Variants in CCDC85A observed in about 807,000 individuals in gnomAD.
CCDC85A encodes the protein coiled-coil domain containing 85A.
In CCDC85A, 38 loss-of-function variants were observed where a neutral mutation model predicts 50.2. The ratio of observed to expected loss-of-function variants is 0.76; its 90% CI spans 0.58 to 0.99. The LOEUF is 0.99. Ranked by LOEUF, CCDC85A falls within the 50% of genes least tolerant of loss-of-function variation. The probability of loss-of-function intolerance (pLI) is 0.00; values close to 1 mark genes in which losing one functional copy is unlikely to be tolerated. For missense variants in CCDC85A, 820 were observed against 742.0 expected, an observed-to-expected ratio of 1.11 and a Z score of -1.22; for synonymous variants, 366 against 301.4, an observed-to-expected ratio of 1.21 and a Z score of -2.22.
At chr2:56,360,163 A>T (rs574577051) in intron 3 of CCDC85A, among the ~76,000 whole-genome samples, 1 of 152,322 alleles carries the variant, frequency 6.6e-6, no homozygotes, top group East Asian at 1.9e-4. Context: ...AACTTTTTTT[A>T]AAAAAGATTA....
At chr2:56,277,751 G>T (rs75159967) in intron 2 of CCDC85A, among the ~76,000 whole-genome samples, 1 of 152,202 alleles carries the variant, frequency 6.6e-6, no homozygotes, top group Non-Finnish European at 1.5e-5. Context: ...GCCCTTAGGC[G>T]CAGAGTCTCC....
At chr2:56,249,033 C>T (rs771295203) in intron 2 of CCDC85A, among the ~76,000 whole-genome samples, 2 of 152,160 alleles carry the variant, frequency 1.3e-5, no homozygotes, top group Non-Finnish European at 2.9e-5. Context: ...GAATGCAGCC[C>T]AAGATGACAA....
chr2:56,225,461 A>G (rs2103919777), intron 2 of CCDC85A, among the ~76,000 whole-genome samples: 1 of 152,112 alleles, frequency 6.6e-6, no homozygotes, highest in Non-Finnish European at 1.5e-5. Context: ...GTCGGGGTTT[A>G]TTTCTGACTC....
At chr2:56,307,571 A>G (rs1188692975) in intron 2 of CCDC85A, among the ~76,000 whole-genome samples, 1 of 152,204 alleles carries the variant, frequency 6.6e-6, no homozygotes, top group Non-Finnish European at 1.5e-5. Flanking sequence ...TAATTAGCAT[A>G]TCATTAATTG....
intron 2 of CCDC85A, among the ~76,000 whole-genome samples, chr2:56,243,979 G>A (rs1390199646): frequency 6.6e-6 from 1 of 152,122 alleles, no homozygotes; most frequent in Non-Finnish European, 1.5e-5. Flanking sequence ...GCCTTACTTT[G>A]TCTCCAACAA....
At chr2:56,234,749 C>G (rs1668931127) in intron 2 of CCDC85A, among the ~76,000 whole-genome samples, 1 of 152,066 alleles carries the variant, frequency 6.6e-6, no homozygotes, top group Non-Finnish European at 1.5e-5. Flanking sequence ...GTCCTTACTC[C>G]TTGATTATGT....
chr2:56,232,236 A>T (rs1162014088), intron 2 of CCDC85A, among the ~76,000 whole-genome samples: 1 of 152,146 alleles, frequency 6.6e-6, no homozygotes, highest in Non-Finnish European at 1.5e-5. Flanking sequence ...CCTAATTGGC[A>T]TCTGAAATGT....
At chr2:56,218,249 C>G (rs1668171303) in intron 2 of CCDC85A, among the ~76,000 whole-genome samples, 1 of 151,790 alleles carries the variant, frequency 6.6e-6, no homozygotes, top group South Asian at 2.1e-4. Context: ...AAACTGGACA[C>G]TGTAATCTCC....
chr2:56,218,089 A>G (rs1457709103), intron 2 of CCDC85A, among the ~76,000 whole-genome samples: 1 of 151,884 alleles, frequency 6.6e-6, no homozygotes, highest in Admixed American at 6.6e-5. Context: ...AAACAAAAAC[A>G]ACAGGAAATA....
chr2:56,333,855 A>G (rs1305616199), intron 2 of CCDC85A, among the ~76,000 whole-genome samples: 1 of 152,212 alleles, frequency 6.6e-6, no homozygotes, highest in Non-Finnish European at 1.5e-5. Context: ...CAAAAAGAGC[A>G]CAAGGCTTTA....
chr2:56,353,496 T>C (rs924986974), intron 3 of CCDC85A, among the ~76,000 whole-genome samples: 4 of 152,262 alleles, frequency 2.6e-5, no homozygotes, highest in African/African-American at 9.6e-5. Flanking sequence ...AGACCAGGTG[T>C]AAATAAAAGC....
chr2:56,184,379 C>A lies in CCDC85A; in HGVS notation c.-246C>A. On this transcript the variant is annotated 5_prime_UTR_variant, in exon 1 of 6. Transcript: ENST00000407595. Reference sequence around the variant, plus strand: ...ACCATGGACTTGCGCGGAGTTGGGACGGGCCTCGGCAGCAGCAAGCGGCTG... The same window carrying A: ...ACCATGGACTTGCGCGGAGTTGGGAAGGGCCTCGGCAGCAGCAAGCGGCTG... The A allele has an allele frequency of 2.1e-6, 1 of 486,860 alleles. No individual in the cohort carries two copies. Among genetic ancestry groups the A allele is most frequent in the Non-Finnish European group, 3.0e-6 (1 of 329,300 alleles). The allele number at this position is 486,860 out of a possible 1,614,324, so 30.2% of individuals were successfully genotyped here.
intron 4 of CCDC85A, among the ~76,000 whole-genome samples, chr2:56,374,747 T>C (rs994349072): frequency 1.3e-5 from 2 of 152,232 alleles, no homozygotes; most frequent in Non-Finnish European, 2.9e-5. Context: ...AGTTGAAGGC[T>C]GCAGTGAACA....
At position 56,184,527 on chromosome 2, in the gene CCDC85A, C is replaced by G; in HGVS notation, c.-98C>G. ...GGGCGGTGCCGCTGACTCGCCGGAGCGCACAGGGGTGTGGGCGGAGGCGGC... is the reference window on the plus strand; with the variant it reads ...GGGCGGTGCCGCTGACTCGCCGGAGGGCACAGGGGTGTGGGCGGAGGCGGC... On this transcript the variant is annotated 5_prime_UTR_variant, in exon 1 of 6. Transcript: ENST00000407595. 8.1e-7 allele frequency: 1 copy of G among 1,241,188 alleles called. No homozygotes were observed. The highest frequency in any genetic ancestry group is 1.0e-6 in the Non-Finnish European group (1 of 979,470). The allele number at this position is 1,241,188 out of a possible 1,614,324, so 76.9% of individuals were successfully genotyped here.
intron 2 of CCDC85A, among the ~76,000 whole-genome samples, chr2:56,320,167 A>C (rs563245028): frequency 6.6e-6 from 1 of 152,310 alleles, no homozygotes; most frequent in East Asian, 1.9e-4. Context: ...ATAGCACTAA[A>C]TGCCCACAAG....
intron 2 of CCDC85A, among the ~76,000 whole-genome samples, chr2:56,215,577 G>GT (rs11295380): frequency 0.13 from 17,360 of 136,794 alleles, 1,369 homozygotes; most frequent in African/African-American, 0.23. Context: ...TTTGCTGATA[G>GT]TTTTTTTTTT....
intron 2 of CCDC85A, among the ~76,000 whole-genome samples, chr2:56,319,713 G>A (rs527351879): frequency 6.6e-6 from 1 of 152,162 alleles, no homozygotes; most frequent in Admixed American, 6.6e-5. Context: ...CACAGTTTCA[G>A]CAGTTGAAGT....
chr2:56,316,604 A>T, intron 2 of CCDC85A, among the ~76,000 whole-genome samples: 1 of 152,172 alleles, frequency 6.6e-6, no homozygotes, highest in East Asian at 1.9e-4. Context: ...ACTTAGCTAG[A>T]TCCCATCTGC....
At chr2:56,283,078 C>G (rs1194617570) in intron 2 of CCDC85A, among the ~76,000 whole-genome samples, 1 of 151,960 alleles carries the variant, frequency 6.6e-6, no homozygotes. Context: ...TTTATGTAAA[C>G]AATCATGTAT....
Sources: allele counts gnomAD v4.1 joint callset (sites outside exome capture counted in the v4.1 genomes callset), GRCh38; gene constraint gnomAD v4.1.1; transcripts MANE v1.5; gene names NCBI Gene and HGNC (gene_info 2026-07-23, HGNC 2026-07-21).